Variants in DCC observed in about 807,000 individuals in gnomAD.
DCC encodes the protein netrin receptor DCC.
Under a neutral mutation model 172.5 loss-of-function variants are expected in DCC, and 58 were observed. The ratio of observed to expected loss-of-function variants is 0.34; its 90% CI spans 0.27 to 0.42. DCC has a LOEUF of 0.42. Among genes scored for constraint, DCC ranks in the 10% least tolerant of loss-of-function variants. The pLI, the probability that DCC is intolerant of heterozygous loss-of-function variation, is 1.00. For synonymous variants in DCC, 709 were observed against 644.5 expected (o/e 1.10, Z -1.52); for missense variants, 1,740 against 1,791.0 (o/e 0.97, Z 0.51).
intron 24 of DCC, among the ~76,000 whole-genome samples, chr18:53,466,909 T>G (rs2045628590): frequency 6.6e-6 from 1 of 152,256 alleles, no homozygotes; most frequent in African/African-American, 2.4e-5. Flanking sequence ...GAAGCTTCCA[T>G]GACTTCACCT....
chr18:52,575,440 G>T (rs1310246659), intron 1 of DCC, among the ~76,000 whole-genome samples: 1 of 152,246 alleles, frequency 6.6e-6, no homozygotes, highest in African/African-American at 2.4e-5. Flanking sequence ...TGGTCAGGAA[G>T]GTTCTGGAAA....
intron 25 of DCC, among the ~76,000 whole-genome samples, chr18:53,480,453 C>T (rs1271497997): frequency 6.6e-6 from 1 of 152,184 alleles, no homozygotes; most frequent in Non-Finnish European, 1.5e-5. Flanking sequence ...CTTTCAGGGT[C>T]ATACTTCCCT....
intron 1 of DCC, among the ~76,000 whole-genome samples, chr18:52,476,891 T>A (rs567146445): frequency 1.3e-5 from 2 of 152,254 alleles, no homozygotes; most frequent in East Asian, 3.9e-4. Context: ...AAGCTGAAAG[T>A]GCAGTATTAG....
chr18:52,680,363 A>G (rs183550169), intron 1 of DCC, among the ~76,000 whole-genome samples: 2 of 152,068 alleles, frequency 1.3e-5, no homozygotes, highest in Admixed American at 6.6e-5. Flanking sequence ...AAGGCCAGTG[A>G]TGTTTGCTGG....
chr18:52,378,321 A>C (rs1430592225), intron 1 of DCC, among the ~76,000 whole-genome samples: 2 of 152,100 alleles, frequency 1.3e-5, no homozygotes, highest in Admixed American at 6.5e-5. Flanking sequence ...AAAAAAAAAA[A>C]ACTAGAATTT....
chr18:52,794,544 CTT>C (rs1236961038), intron 2 of DCC, among the ~76,000 whole-genome samples: 1 of 151,828 alleles, frequency 6.6e-6, no homozygotes, highest in East Asian at 1.9e-4. Context: ...TTGGTGGAGT[CTT>C]TAGGTTTTTC....
At chr18:52,373,134 G>A (rs868259311) in intron 1 of DCC, among the ~76,000 whole-genome samples, 11 of 152,110 alleles carry the variant, frequency 7.2e-5, no homozygotes, top group African/African-American at 2.7e-4. Flanking sequence ...TAGTTTAATG[G>A]GAGAAGATAC....
At chr18:52,646,451 C>A (rs1052213021) in intron 1 of DCC, among the ~76,000 whole-genome samples, 1 of 152,096 alleles carries the variant, frequency 6.6e-6, no homozygotes, top group African/African-American at 2.4e-5. Context: ...GGATTTAGCA[C>A]AGATCCCACA....
chr18:52,766,529 C>G (rs188596842), intron 2 of DCC, among the ~76,000 whole-genome samples: 1 of 151,900 alleles, frequency 6.6e-6, no homozygotes, highest in Non-Finnish European at 1.5e-5. Context: ...AAGTGGCTCT[C>G]GGTGGGAAGA....
At chr18:52,887,608 T>C (rs1438475066) in intron 2 of DCC, among the ~76,000 whole-genome samples, 2 of 152,146 alleles carry the variant, frequency 1.3e-5, no homozygotes, top group African/African-American at 4.8e-5. Context: ...ACAAATTATA[T>C]AATCTTTAAT....
chr18:52,689,489 T>C (rs1008024539), intron 1 of DCC, among the ~76,000 whole-genome samples: 1 of 152,110 alleles, frequency 6.6e-6, no homozygotes, highest in Non-Finnish European at 1.5e-5. Flanking sequence ...AGAATACTTA[T>C]AATAAGTTGT....
chr18:53,270,229 G>A (rs898846768), intron 12 of DCC, among the ~76,000 whole-genome samples: 1 of 152,110 alleles, frequency 6.6e-6, no homozygotes, highest in African/African-American at 2.4e-5. Flanking sequence ...CCTCAAAAGA[G>A]TGCTACCCAT....
At chr18:53,036,245 C>T (rs1278733878) in intron 5 of DCC, among the ~76,000 whole-genome samples, 1 of 152,024 alleles carries the variant, frequency 6.6e-6, no homozygotes, top group Non-Finnish European at 1.5e-5. Context: ...ATGGTATAGT[C>T]AGTTCTACTA....
At chr18:53,458,248 G>T (rs2045507432) in intron 23 of DCC, among the ~76,000 whole-genome samples, 1 of 152,168 alleles carries the variant, frequency 6.6e-6, no homozygotes, top group Non-Finnish European at 1.5e-5. Flanking sequence ...TATAAAACTA[G>T]GGAAAGGGTC....
At chr18:52,911,722 T>C (rs1443199438) in intron 3 of DCC, among the ~76,000 whole-genome samples, 2 of 105,816 alleles carry the variant, frequency 1.9e-5, no homozygotes, top group African/African-American at 2.9e-5. Context: ...TTTTGTCTCA[T>C]ATTTAACATT....
At chr18:52,872,234 T>C (rs1020563982) in intron 2 of DCC, among the ~76,000 whole-genome samples, 8 of 152,204 alleles carry the variant, frequency 5.3e-5, no homozygotes, top group African/African-American at 1.9e-4. Flanking sequence ...AAACAGGTTA[T>C]GGGAGGGGAA....
chr18:52,703,022 G>T (rs1263957672), intron 1 of DCC, among the ~76,000 whole-genome samples: 2 of 152,110 alleles, frequency 1.3e-5, no homozygotes, highest in African/African-American at 4.8e-5. Context: ...TCCAAACATA[G>T]ACACTTCTCT....
Position 53,144,893 on chromosome 18 carries a change from C to G in DCC, c.1262-12463C>G, listed in dbSNP as rs528674268. 4.6e-5 allele frequency among the ~76,000 whole-genome samples: 7 copies of G among 152,130 alleles called. No individual in the cohort carries two copies. In the East Asian group the frequency reaches 1.4e-3, roughly 29 times the overall value. On this transcript the variant is annotated intron_variant, in intron 7 of 28. Coordinates refer to ENST00000442544, the MANE Select transcript of DCC (RefSeq NM_005215.4). Reference sequence around the variant, plus strand: ...TTTCAGTTTGGAAGAAATTCAGGAACAGGAGATAATATAATAAGGTCATAT... The same window carrying G: ...TTTCAGTTTGGAAGAAATTCAGGAAGAGGAGATAATATAATAAGGTCATAT...
chr18:52,844,133 C>G (rs1162120514), intron 2 of DCC, among the ~76,000 whole-genome samples: 1 of 152,092 alleles, frequency 6.6e-6, no homozygotes, highest in Non-Finnish European at 1.5e-5. Flanking sequence ...ATCCACATAA[C>G]AGAGACAAAA....
Sources: gnomAD v4.1 joint callset for allele counts (sites outside exome capture counted in the v4.1 genomes callset) on GRCh38, gnomAD v4.1.1 for gene constraint, MANE v1.5 for transcripts, NCBI Gene and HGNC (gene_info 2026-07-23, HGNC 2026-07-21) for gene names.